CSMD1: variants seen among roughly 807,000 people sequenced by gnomAD.
CSMD1 encodes CUB and sushi domain-containing protein 1.
CSMD1 carries 213 observed loss-of-function variants against 417.5 expected under a neutral mutation model. The observed-to-expected ratio is 0.51, with a 90% CI of 0.46 to 0.57. The LOEUF (loss-of-function observed/expected upper bound fraction) is 0.57. Among genes scored for constraint, CSMD1 ranks in the 20% least tolerant of loss-of-function variants. The probability of loss-of-function intolerance (pLI) is 0.00; values close to 1 mark genes in which losing one functional copy is unlikely to be tolerated. For missense variants in CSMD1, 6,923 were observed against 4,529.7 expected (o/e 1.53, Z -15.17); for synonymous variants, 2,862 against 1,736.8 (o/e 1.65, Z -16.11).
At chr8:3,807,514 C>T (rs766079309) in intron 5 of CSMD1, among the ~76,000 whole-genome samples, 2 of 152,080 alleles carry the variant, frequency 1.3e-5, no homozygotes, top group African/African-American at 4.8e-5. Flanking sequence ...ATTACCAGGG[C>T]AGAGCTTCAA....
chr8:3,193,828 G>A (rs529849511), intron 33 of CSMD1, among the ~76,000 whole-genome samples: 11 of 152,188 alleles, frequency 7.2e-5, no homozygotes, highest in Non-Finnish European at 1.5e-4. Context: ...AAAGCCGGAA[G>A]CATGTTGTGA....
intron 6 of CSMD1, among the ~76,000 whole-genome samples, chr8:3,722,553 T>A (rs1375425910): frequency 1.3e-5 from 2 of 152,162 alleles, no homozygotes; most frequent in Non-Finnish European, 1.5e-5. Flanking sequence ...TCTTACCTCT[T>A]GTCAATGTCT....
intron 1 of CSMD1, among the ~76,000 whole-genome samples, chr8:4,854,763 A>G (rs900909833): frequency 2.0e-5 from 3 of 152,142 alleles, no homozygotes; most frequent in African/African-American, 7.2e-5. Flanking sequence ...GGAGGGTCCT[A>G]CACCCACAGA....
In CSMD1 at chr8:3,761,057, TCAAA is replaced by T. The variant is rs573098090; in HGVS notation, c.819-7019_819-7016del. 1.5e-3 allele frequency among the ~76,000 whole-genome samples: 227 copies of T among 152,276 alleles called. 1 individual carries two copies. The highest frequency in any genetic ancestry group is 4.7e-3 in the African/African-American group (195 of 41,560). ...GTCAAAATTAAATAGAACAACCTGATCAAACAGAGAGTTCCTGACATGTTATGTT... is the reference window on the plus strand; with the variant it reads ...GTCAAAATTAAATAGAACAACCTGATCAGAGAGTTCCTGACATGTTATGTT... On this transcript the variant is annotated intron_variant, in intron 5 of 69. Transcript: ENST00000635120.
chr8:3,907,847 T>C (rs1282754148), intron 5 of CSMD1, among the ~76,000 whole-genome samples: 2 of 152,214 alleles, frequency 1.3e-5, no homozygotes, highest in Non-Finnish European at 2.9e-5. Flanking sequence ...ATCAACTCTG[T>C]GCTCTGCGGT....
At position 3,289,743 on chromosome 8, in the gene CSMD1, G is replaced by T. The variant is rs1052255065; in HGVS notation, c.3951-5397C>A. ...GGATATTAGCCCTTTGTCAGATGAG[G>T]AGGTTGCAATAATTTTCTCCCATTC... On this transcript the variant is annotated intron_variant, in intron 25 of 69. Transcript: ENST00000635120. 1.0e-3 allele frequency among the ~76,000 whole-genome samples: 152 copies of T among 147,246 alleles called. 22 individuals carry two copies. Among genetic ancestry groups the T allele is most frequent in the African/African-American group, 3.8e-3 (141 of 37,082 alleles).
chr8:3,795,143 CTATCATGTACAGCTATAGAT>C (rs1799986651), intron 5 of CSMD1, among the ~76,000 whole-genome samples: 3 of 58,260 alleles, frequency 5.1e-5, no homozygotes, highest in African/African-American at 1.8e-4. Context: ...CTATAGATAT[CTATCATGTACAGCTATAGAT>C]ACCTATCATG....
At chr8:4,446,224 T>A (rs1211486103) in intron 2 of CSMD1, among the ~76,000 whole-genome samples, 1 of 152,204 alleles carries the variant, frequency 6.6e-6, no homozygotes, top group East Asian at 1.9e-4. Context: ...CATCTATTTC[T>A]AGGATACCTT....
At chr8:3,508,814 T>G (rs893962463) in intron 10 of CSMD1, among the ~76,000 whole-genome samples, 1 of 152,278 alleles carries the variant, frequency 6.6e-6, no homozygotes, top group East Asian at 1.9e-4. Flanking sequence ...TTTCCCATTA[T>G]GGAAAGAGAC....
At chr8:3,610,542 TAATATAGGTCATGTACACATATA>T (rs1180606958) in intron 8 of CSMD1, among the ~76,000 whole-genome samples, 2 of 152,142 alleles carry the variant, frequency 1.3e-5, no homozygotes, top group African/African-American at 2.4e-5. Flanking sequence ...TATAAGTATA[TAATATAGGTCATGTACACATATA>T]AATATAGGTC....
At chr8:3,583,376 C>T (rs988796185) in intron 9 of CSMD1, among the ~76,000 whole-genome samples, 10 of 151,676 alleles carry the variant, frequency 6.6e-5, no homozygotes, top group African/African-American at 2.4e-4. Context: ...TCAGGTGCCT[C>T]GAATAGACTG....
chr8:3,911,286 C>A (rs569455441), intron 5 of CSMD1, among the ~76,000 whole-genome samples: 2 of 152,060 alleles, frequency 1.3e-5, no homozygotes, highest in African/African-American at 4.8e-5. Context: ...ACTGAAGTCT[C>A]TATAATCATA....
intron 2 of CSMD1, among the ~76,000 whole-genome samples, chr8:4,543,043 A>G (rs1344494643): frequency 2.0e-5 from 3 of 152,210 alleles, no homozygotes. Context: ...TGTAGCAGAA[A>G]TAAGATTTCA....
At chr8:3,036,833 T>G (rs7017846) in intron 50 of CSMD1, among the ~76,000 whole-genome samples, 2 of 152,132 alleles carry the variant, frequency 1.3e-5, no homozygotes, top group East Asian at 3.9e-4. Flanking sequence ...AGAAAATTAT[T>G]TCAATAGCTT....
chr8:3,129,635 C>A (rs542069340), intron 41 of CSMD1, among the ~76,000 whole-genome samples: 1 of 150,548 alleles, frequency 6.6e-6, no homozygotes, highest in Non-Finnish European at 1.5e-5. Flanking sequence ...ATTAGCCAGG[C>A]ATGGTGACAC....
intron 6 of CSMD1, among the ~76,000 whole-genome samples, chr8:3,742,687 A>G (rs781261967): frequency 6.6e-6 from 1 of 151,612 alleles, no homozygotes; most frequent in Non-Finnish European, 1.5e-5. Flanking sequence ...TCAGCACTCC[A>G]GTTTAATCAC....
chr8:3,465,509 G>C (rs972939255), intron 12 of CSMD1, among the ~76,000 whole-genome samples: 8 of 152,150 alleles, frequency 5.3e-5, no homozygotes, highest in African/African-American at 1.4e-4. Flanking sequence ...CTGGCAGGGG[G>C]TAGTGGGGGT....
intron 3 of CSMD1, among the ~76,000 whole-genome samples, chr8:4,119,710 G>C (rs10441629): frequency 0.99 from 150,677 of 152,320 alleles, 74,549 homozygotes; most frequent in East Asian, 1. Flanking sequence ...TGGGCTGGCA[G>C]TCTGATCACA....
chr8:4,121,826 T>TG (rs772528511), intron 3 of CSMD1, among the ~76,000 whole-genome samples: 9 of 152,018 alleles, frequency 5.9e-5, no homozygotes, highest in East Asian at 1.9e-4. Context: ...TCCAAGGCTT[T>TG]GGGGGGGACA....
Sources: allele counts gnomAD v4.1 joint callset (sites outside exome capture counted in the v4.1 genomes callset), GRCh38; gene constraint gnomAD v4.1.1; transcripts MANE v1.5; gene names NCBI Gene and HGNC (gene_info 2026-07-23, HGNC 2026-07-21).